STRIP1: variants seen among roughly 807,000 people sequenced by gnomAD.
STRIP1 encodes the protein striatin interacting protein 1.
Under a neutral mutation model 106.2 loss-of-function variants are expected in STRIP1, and 63 were observed. That is an observed-to-expected ratio of 0.59 (90% CI 0.48 to 0.73). STRIP1 has a LOEUF of 0.73. STRIP1 is among the 30% of genes least tolerant of loss of function. The pLI is 0.00. For missense variants in STRIP1, 857 were observed against 1,074.8 expected (o/e 0.80, Z 2.83); for synonymous variants, 390 against 413.0 (o/e 0.94, Z 0.67).
chr1:110,045,172 G>A, intron 12 of STRIP1, 94 bp downstream of exon 12: 1 of 1,170,568 alleles, frequency 8.5e-7, no homozygotes, highest in African/African-American at 1.5e-5. Context: ...ACTGTTGTCT[G>A]CCTGCAAGAA....
intron 1 of STRIP1, among the ~76,000 whole-genome samples, chr1:110,036,180 C>T (rs1652443423): frequency 6.6e-6 from 1 of 152,210 alleles, no homozygotes; most frequent in South Asian, 2.1e-4. Flanking sequence ...AGGCCGGGTG[C>T]AGTGGCTCAC....
At position 110,041,675 on chromosome 1, in the gene STRIP1, G is replaced by A. The variant is rs758259100; in HGVS notation, c.757+33G>A. 8 of 1,614,136 alleles carry A rather than the reference G, an allele frequency of 5.0e-6. No individual in the cohort carries two copies. The Admixed American group carries it at 1.2e-4, about 24-fold the overall frequency. ...CCTGGGGATCCTCTCTAGAGGCCCT[G>A]CCTGGAAGCTGAGGCGGAAGGCTTT... On this transcript the variant is annotated intron_variant, in intron 7 of 20. Transcript: ENST00000369795.
At position 110,044,932 on chromosome 1, in the gene STRIP1, T is replaced by C; in HGVS notation, c.1352+27T>C. 7 of 1,614,130 alleles carry C rather than the reference T, an allele frequency of 4.3e-6. No homozygotes were observed. In the South Asian group the frequency reaches 6.6e-5, roughly 15 times the overall value. ...TGAGTAAAAGCCGAGTTCATTTTGC[T>C]GTTAGCTCTCCCGGCCTTTGGTGTT... On this transcript the variant is annotated intron_variant, in intron 11 of 20. Transcript: ENST00000369795.
upstream of STRIP1, among the ~76,000 whole-genome samples, chr1:110,033,720 T>C (rs1026162094): frequency 3.3e-5 from 5 of 152,212 alleles, no homozygotes; most frequent in African/African-American, 1.2e-4. Flanking sequence ...CATCAACATA[T>C]GAACTTTAGG....
At chr1:110,037,829 C>T in intron 1 of STRIP1, 62 bp from the exon 2 acceptor site, 1 of 1,166,654 alleles carries the variant, frequency 8.6e-7, no homozygotes, top group East Asian at 2.4e-5. Context: ...CATCTCGAAG[C>T]ATGAGTTTCT....
chr1:110,035,328 TATC>T (rs2101762219), intron 1 of STRIP1, among the ~76,000 whole-genome samples: 1 of 152,248 alleles, frequency 6.6e-6, no homozygotes, highest in East Asian at 1.9e-4. Flanking sequence ...CCGAGCTAAT[TATC>T]ATTGAGAGTA....
intron 2 of STRIP1, 127 bp downstream of exon 2, chr1:110,038,087 T>TGTATG (rs1557787691): frequency 1.9e-5 from 3 of 156,632 alleles, no homozygotes; most frequent in African/African-American, 8.9e-5. Flanking sequence ...TATATATATA[T>TGTATG]ATATATATAT....
In STRIP1 at chr1:110,042,909, C is replaced by T; in HGVS notation, c.886-179C>T. Reference sequence around the variant, plus strand: ...TTTCCTTGTTCCTTTTTCTCCTTTCCCTTGCGGATGTCACGGAATTCTCCT... The same window carrying T: ...TTTCCTTGTTCCTTTTTCTCCTTTCTCTTGCGGATGTCACGGAATTCTCCT... On this transcript the variant is annotated intron_variant, in intron 8 of 20. Coordinates refer to ENST00000369795, the MANE Select transcript of STRIP1 (RefSeq NM_033088.4). The T allele has an allele frequency of 6.8e-6, 4 of 591,536 alleles. No individual in the cohort carries two copies. In the South Asian group the frequency reaches 9.5e-5, roughly 14 times the overall value. The allele number at this position is 591,536 out of a possible 1,614,324, so 36.6% of individuals were successfully genotyped here. A position where few individuals can be genotyped will look rare whatever the true frequency, so the allele number is the denominator to read the frequency against.
intron 1 of STRIP1, among the ~76,000 whole-genome samples, chr1:110,036,611 A>G (rs1652469790): frequency 6.6e-6 from 1 of 152,206 alleles, no homozygotes; most frequent in Non-Finnish European, 1.5e-5. Flanking sequence ...TGGGAGCCTG[A>G]TCAGTGAATG....
At chr1:110,032,840 C>T (rs1214975995), upstream of STRIP1, among the ~76,000 whole-genome samples, 1 of 152,234 alleles carries the variant, frequency 6.6e-6, no homozygotes, top group Non-Finnish European at 1.5e-5. Flanking sequence ...TTGCAACTCT[C>T]CAATCCCTTC....
At chr1:110,049,366 G>T in intron 16 of STRIP1, 94 bp from the exon 17 acceptor site, 2 of 1,553,264 alleles carry the variant, frequency 1.3e-6, no homozygotes, top group African/African-American at 1.4e-5. Context: ...CTAAGACATG[G>T]CCCTTCAGCC....
intron 2 of STRIP1, 149 bp from the exon 3 acceptor site, chr1:110,038,534 C>T (rs1473118862): frequency 9.6e-6 from 6 of 625,940 alleles, no homozygotes; most frequent in Non-Finnish European, 1.7e-5. Flanking sequence ...CTAAGATCCC[C>T]TTCATAATTA....
At chr1:110,031,587 G>C (rs1652189783), upstream of STRIP1, 1 of 152,164 alleles carries the variant, frequency 6.6e-6, no homozygotes, top group Non-Finnish European at 1.5e-5. Flanking sequence ...ATTTTACCCA[G>C]CCCCTGTTCA....
Position 110,053,843 on chromosome 1 carries a change from G to A in STRIP1, c.2445G>A (p.Met815Ile). ...QRVDLPEDFQ[M>I]NYDLWLEREV... The stretch of plus-strand genomic sequence containing the variant: ...TGGACCTCCCTGAGGACTTTCAGAT[G>A]AACTATGACCTCTGGTTAGAAAGGG... The change falls in exon 21 of 21, where the codon ATG becomes ATA. Residue 815 changes from methionine (M) to isoleucine (I), a missense_variant. This residue lies in a region of STRIP1 where 750 missense variants were observed against 989.8 expected (regional missense o/e 0.76). Transcript: ENST00000369795. The A allele has an allele frequency of 6.2e-7, 1 of 1,614,142 alleles. No individual in the cohort carries two copies. Among genetic ancestry groups the A allele is most frequent in the Non-Finnish European group, 8.5e-7 (1 of 1,180,016 alleles).
chr1:110,033,992 T>C (rs929637722), upstream of STRIP1, among the ~76,000 whole-genome samples: 3 of 152,262 alleles, frequency 2.0e-5, no homozygotes, highest in African/African-American at 7.2e-5. Context: ...CTGCAAGATC[T>C]GGTTGTAGTG....
chr1:110,050,504 C>T, intron 18 of STRIP1, 95 bp downstream of exon 18: 4 of 1,209,994 alleles, frequency 3.3e-6, no homozygotes, highest in East Asian at 2.5e-5. Context: ...AGAGGTGTCT[C>T]CCGCAGGTGA....
At chr1:110,047,742 A>G in intron 14 of STRIP1, 30 bp from the exon 15 acceptor site, 1 of 1,553,384 alleles carries the variant, frequency 6.4e-7, no homozygotes, top group Non-Finnish European at 8.7e-7. Context: ...GGGCTCTCAG[A>G]CCTGTGTCTG....
At chr1:110,038,357 C>T (rs985790583) in intron 2 of STRIP1, 6 of 264,260 alleles carry the variant, frequency 2.3e-5, no homozygotes, top group African/African-American at 8.9e-5. Flanking sequence ...GCTGCTTCTC[C>T]AGCCTCTACA....
chr1:110,049,287 C>T (rs1653176876), intron 16 of STRIP1, 49 bp downstream of exon 16: 2 of 1,612,582 alleles, frequency 1.2e-6, no homozygotes, highest in South Asian at 2.2e-5. Context: ...GCCTCGGGCA[C>T]TGCTGCTCCT....
Sources: allele counts gnomAD v4.1 joint callset (sites outside exome capture counted in the v4.1 genomes callset), GRCh38; gene constraint gnomAD v4.1.1; regional missense constraint gnomAD v4.1.1; transcripts MANE v1.5; gene names NCBI Gene and HGNC (gene_info 2026-07-23, HGNC 2026-07-21).